NAA16: variants seen among roughly 807,000 people sequenced by gnomAD.
The protein encoded by NAA16 is N-alpha-acetyltransferase 16, NatA auxiliary subunit.
Under a neutral mutation model 110.3 loss-of-function variants are expected in NAA16, and 97 were observed. That is an observed-to-expected ratio of 0.88 (90% CI 0.75 to 1.04). NAA16 has a LOEUF of 1.04. NAA16 is among the 50% of genes least tolerant of loss of function. NAA16 has a pLI of 0.00. For synonymous variants in NAA16, 372 were observed against 330.6 expected, an observed-to-expected ratio of 1.13 and a Z score of -1.36; for missense variants, 1,017 against 1,005.1, an observed-to-expected ratio of 1.01 and a Z score of -0.16.
intron 8 of NAA16, among the ~76,000 whole-genome samples, chr13:41,332,452 G>A (rs934333681): frequency 6.6e-6 from 1 of 152,108 alleles, no homozygotes; most frequent in African/African-American, 2.4e-5. Context: ...ACCTTGAGTC[G>A]AGTTATTGTA....
Position 41,375,402 on chromosome 13 carries a change from T to C in NAA16, c.2398-3T>C, listed in dbSNP as rs771007495. On this transcript the variant is annotated splice_region_variant and splice_polypyrimidine_tract_variant and intron_variant, in intron 19 of 19. Coordinates refer to ENST00000379406, the MANE Select transcript of NAA16 (RefSeq NM_024561.5). ...AATTTGTGTTTTCCTTTTGTTTCAC[T>C]AGACATTAATAAAGGTTTCTGAAGC... is the stretch of plus-strand genomic sequence containing the variant. 2 of 1,602,012 alleles carry C rather than the reference T, an allele frequency of 1.2e-6. No individual in the cohort carries two copies. The highest frequency in any genetic ancestry group is 1.7e-6 in the Non-Finnish European group (2 of 1,172,204).
chr13:41,311,534 G>C lies in NAA16; in HGVS notation c.6G>C (p.Pro2=), dbSNP rs1447024863. Residue 2 remains proline (P), a synonymous_variant, in exon 1 of 20, where the codon CCG becomes CCC. Coordinates refer to ENST00000379406, the MANE Select transcript of NAA16 (RefSeq NM_024561.5). M[P]NVLLPPKESN... Reference sequence around the variant, plus strand: ...TAGCCTCCCTGCCGGCCACGATGCCGAACGTGCTGCTGCCGCCCAAGGAGA... The same window carrying C: ...TAGCCTCCCTGCCGGCCACGATGCCCAACGTGCTGCTGCCGCCCAAGGAGA... The C allele has an allele frequency of 6.2e-7, 1 of 1,604,950 alleles. No individual in the cohort carries two copies. Among genetic ancestry groups the C allele is most frequent in the Non-Finnish European group, 8.5e-7 (1 of 1,176,258 alleles).
In NAA16 at chr13:41,316,869, C is replaced by T. The variant is rs756959124; in HGVS notation, c.78C>T (p.Tyr26=). ...AGAAATGTTATGAACAGAAGCAGTA[C>T]AAAAATGGCCTCAAGTTTTGCAAGA... The part of the protein sequence containing the change: ...RILKCYEQKQ[Y]KNGLKFCKMI... The change falls in exon 2 of 20, where the codon TAC becomes TAT. Residue 26 remains tyrosine, a synonymous_variant. Transcript: ENST00000379406. 2.5e-6 allele frequency: 4 copies of T among 1,613,098 alleles called. No individual in the cohort carries two copies. The highest frequency in any genetic ancestry group is 3.4e-6 in the Non-Finnish European group (4 of 1,179,392).
chr13:41,362,117 G>T lies in NAA16; in HGVS notation c.1497G>T (p.Gly499=), dbSNP rs2043123761. 2 of 1,607,944 alleles carry T rather than the reference G, an allele frequency of 1.2e-6. No homozygotes were observed. The highest frequency in any genetic ancestry group is 1.7e-6 in the Non-Finnish European group (2 of 1,178,082). ...GCATTTCAGCTTATCAGCGTCTGGG[G>T]AGATACGGGGATGCCTTGAAAAAAT... ...TECISAYQRL[G]RYGDALKKCH... is the part of the protein sequence containing the mutation. Residue 499 remains glycine, a synonymous_variant, in exon 13 of 20, where the codon GGG becomes GGT. Coordinates refer to ENST00000379406, the MANE Select transcript of NAA16 (RefSeq NM_024561.5).
rs531024785 is a variant in NAA16 at position 41,369,771 on chromosome 13, A to G, written c.1947+488A>G. 3.3e-5 allele frequency among the ~76,000 whole-genome samples: 5 copies of G among 152,224 alleles called. No homozygotes were observed. In the East Asian group the frequency reaches 9.6e-4, roughly 29 times the overall value. The stretch of plus-strand genomic sequence containing the variant: ...GGAAGGAGGGTGCCCCAAGCTAAGG[A>G]GTGTGGGCAGTCTAGAGAGGCTGAA... On this transcript the variant is annotated intron_variant, in intron 15 of 19. Coordinates refer to ENST00000379406, the MANE Select transcript of NAA16 (RefSeq NM_024561.5).
chr13:41,325,248 C>T (rs2139394897), intron 5 of NAA16, among the ~76,000 whole-genome samples: 1 of 150,648 alleles, frequency 6.6e-6, no homozygotes, highest in Non-Finnish European at 1.5e-5. Flanking sequence ...CGCCACCGTG[C>T]CTGGCCAACG....
chr13:41,374,335 A>T (rs2043386671), intron 18 of NAA16: 1 of 154,478 alleles, frequency 6.5e-6, no homozygotes, highest in Non-Finnish European at 1.4e-5. Context: ...TATTCCTTAG[A>T]TGTTTTATTT....
At chr13:41,375,324 A>G in intron 19 of NAA16, 81 bp from the exon 20 acceptor site, 1 of 974,168 alleles carries the variant, frequency 1.0e-6, no homozygotes, top group Middle Eastern at 3.0e-4. Flanking sequence ...AATTTAACAC[A>G]TTGCATCTTT....
chr13:41,353,032 C>T, intron 9 of NAA16, among the ~76,000 whole-genome samples: 1 of 152,100 alleles, frequency 6.6e-6, no homozygotes, highest in Non-Finnish European at 1.5e-5. Context: ...CAGAGAATTG[C>T]TTGAACCCAA....
At chr13:41,341,646 G>A (rs1435023795) in intron 9 of NAA16, among the ~76,000 whole-genome samples, 1 of 152,170 alleles carries the variant, frequency 6.6e-6, no homozygotes, top group Non-Finnish European at 1.5e-5. Context: ...GAGCTTTGGA[G>A]GTCAAGGTTG....
At chr13:41,362,996 T>G in intron 13 of NAA16, 2 of 651,830 alleles carry the variant, frequency 3.1e-6, no homozygotes, top group Non-Finnish European at 4.0e-6. Flanking sequence ...GGAACTAGAA[T>G]TATACCCAAG....
At chr13:41,360,400 C>T (rs1412163643) in intron 12 of NAA16, among the ~76,000 whole-genome samples, 3 of 151,930 alleles carry the variant, frequency 2.0e-5, no homozygotes, top group African/African-American at 7.3e-5. Context: ...TTCTGATAAG[C>T]GATACTAAAT....
intron 5 of NAA16, among the ~76,000 whole-genome samples, chr13:41,323,864 T>TA (rs1289435858): frequency 6.6e-6 from 1 of 152,180 alleles, no homozygotes; most frequent in African/African-American, 2.4e-5. Flanking sequence ...TCACTTCACT[T>TA]AGAGTTAATC....
At chr13:41,322,960 A>G in intron 4 of NAA16, 96 bp from the exon 5 acceptor site, 5 of 1,070,834 alleles carry the variant, frequency 4.7e-6, no homozygotes, top group Non-Finnish European at 7.1e-6. Context: ...TTGTTGATAT[A>G]GTTCATTAGA....
In NAA16 at chr13:41,336,760, A is replaced by G. The variant is rs769284816; in HGVS notation, c.1014+4A>G. 4.6e-6 allele frequency: 7 copies of G among 1,534,854 alleles called. No homozygotes were observed. The highest frequency in any genetic ancestry group is 6.2e-6 in the Non-Finnish European group (7 of 1,120,236). On this transcript the variant is annotated splice_donor_region_variant and intron_variant, in intron 9 of 19. Coordinates refer to ENST00000379406, the MANE Select transcript of NAA16 (RefSeq NM_024561.5). ...TTTATATTACAATACAGAAAAGGTA[A>G]AATTTGGTATTTATTCAGATTTGCT...
At chr13:41,372,535 A>G (rs555078468) in intron 16 of NAA16, 197 bp from the exon 17 acceptor site, 174 of 985,300 alleles carry the variant, frequency 1.8e-4, no homozygotes, top group Non-Finnish European at 2.0e-4. Flanking sequence ...GTCTACCTGA[A>G]GCAATTTTTA....
intron 4 of NAA16, 63 bp from the exon 5 acceptor site, chr13:41,322,993 T>G (rs1199772051): frequency 6.9e-7 from 1 of 1,452,082 alleles, no homozygotes; most frequent in Non-Finnish European, 9.6e-7. Flanking sequence ...GTTAGATTGT[T>G]TTCTTAAAAC....
chr13:41,333,605 G>A (rs2139421513), intron 8 of NAA16, among the ~76,000 whole-genome samples: 1 of 152,172 alleles, frequency 6.6e-6, no homozygotes, highest in African/African-American at 2.4e-5. Context: ...TGTGTGTGGG[G>A]GGGATATTTC....
intron 8 of NAA16, among the ~76,000 whole-genome samples, chr13:41,336,157 C>T (rs1010406560): frequency 6.7e-6 from 1 of 149,750 alleles, no homozygotes; most frequent in African/African-American, 2.5e-5. Flanking sequence ...ATGTTAAGTT[C>T]TATTTAAAAA....
Sources: gnomAD v4.1 joint callset for allele counts (sites outside exome capture counted in the v4.1 genomes callset) on GRCh38, gnomAD v4.1.1 for gene constraint, MANE v1.5 for transcripts, NCBI Gene and HGNC (gene_info 2026-07-23, HGNC 2026-07-21) for gene names.